PHKB: variants seen among roughly 807,000 people sequenced by gnomAD.
The protein encoded by PHKB is phosphorylase b kinase regulatory subunit beta.
Under a neutral mutation model 152.1 loss-of-function variants are expected in PHKB, and 122 were observed. That is an observed-to-expected ratio of 0.80 (90% CI 0.69 to 0.93). The LOEUF (loss-of-function observed/expected upper bound fraction) is 0.93, where lower values mean the gene tolerates loss of function less well. Ranked by LOEUF, PHKB falls within the 40% of genes least tolerant of loss-of-function variation. The pLI, the probability that PHKB is intolerant of heterozygous loss-of-function variation, is 0.00. For synonymous variants in PHKB, 436 were observed against 464.9 expected, an observed-to-expected ratio of 0.94 and a Z score of 0.80; for missense variants, 1,304 against 1,328.4, an observed-to-expected ratio of 0.98 and a Z score of 0.29.
Position 47,699,775 on chromosome 16 carries a change from G to T in PHKB, c.*409G>T. 1 of 250,262 alleles carries T rather than the reference G, an allele frequency of 4.0e-6. No homozygotes were observed. Among genetic ancestry groups the T allele is most frequent in the Non-Finnish European group, 7.9e-6 (1 of 126,292 alleles). 15.5% of individuals were successfully genotyped at this position (250,262 alleles called of 1,614,324 possible). ...TACTGGAAATCAAAAGATACTGAAA[G>T]AATGGTGAACTTCTCTTAGTGGTAT... On this transcript the variant is annotated 3_prime_UTR_variant, in exon 31 of 31. Coordinates refer to ENST00000323584, the MANE Select transcript of PHKB (RefSeq NM_000293.3).
chr16:47,682,182 C>T (rs891937752), intron 26 of PHKB, among the ~76,000 whole-genome samples: 1 of 152,212 alleles, frequency 6.6e-6, no homozygotes, highest in Non-Finnish European at 1.5e-5. Context: ...TTCTCTCTGG[C>T]TGCCCTTAAC....
chr16:47,687,684 A>G (rs1164699258), intron 26 of PHKB, among the ~76,000 whole-genome samples: 1 of 152,186 alleles, frequency 6.6e-6, no homozygotes, highest in African/African-American at 2.4e-5. Context: ...TCCTTGTGTA[A>G]CTCTCATGCC....
At chr16:47,602,502 C>T (rs1326380304) in intron 13 of PHKB, among the ~76,000 whole-genome samples, 3 of 147,866 alleles carry the variant, frequency 2.0e-5, no homozygotes, top group African/African-American at 7.4e-5. Flanking sequence ...CTGACATTAT[C>T]ATCTTTTTCT....
At chr16:47,461,737 C>T (rs1969563036) in intron 1 of PHKB, among the ~76,000 whole-genome samples, 2 of 152,198 alleles carry the variant, frequency 1.3e-5, no homozygotes, top group African/African-American at 2.4e-5. Flanking sequence ...CGGCACATTC[C>T]TGGGAAAGGG....
chr16:47,577,968 TG>T (rs1971777924), intron 7 of PHKB, among the ~76,000 whole-genome samples: 1 of 152,144 alleles, frequency 6.6e-6, no homozygotes, highest in Non-Finnish European at 1.5e-5. Flanking sequence ...TTAGATACTT[TG>T]TTATGATCCC....
At chr16:47,693,328 A>G in intron 27 of PHKB, 50 bp from the exon 28 acceptor site, 2 of 1,603,530 alleles carry the variant, frequency 1.2e-6, no homozygotes, top group African/African-American at 1.3e-5. Context: ...CCTGCTGTCT[A>G]CCAGAACAAG....
chr16:47,627,346 T>C (rs555657891), intron 14 of PHKB, among the ~76,000 whole-genome samples: 1 of 152,362 alleles, frequency 6.6e-6, no homozygotes, highest in East Asian at 1.9e-4. Context: ...TGCAAGACTG[T>C]TAGCACTGTC....
At chr16:47,583,948 AT>A in intron 8 of PHKB, among the ~76,000 whole-genome samples, 1 of 152,042 alleles carries the variant, frequency 6.6e-6, no homozygotes, top group Non-Finnish European at 1.5e-5. Flanking sequence ...ACAAATGTTA[AT>A]TTTATTTTTA....
chr16:47,664,825 A>C, intron 24 of PHKB, 60 bp from the exon 25 acceptor site: 1 of 1,016,390 alleles, frequency 9.8e-7, no homozygotes. Flanking sequence ...GTTTGGAAGA[A>C]CTCCTGGAAG....
intron 16 of PHKB, among the ~76,000 whole-genome samples, chr16:47,646,559 A>C (rs1225567954): frequency 1.4e-5 from 2 of 145,054 alleles, no homozygotes; most frequent in Non-Finnish European, 3.0e-5. Flanking sequence ...AAAAATAAAA[A>C]ATAAAAAAAT....
chr16:47,487,336 T>C (rs1265732756), intron 1 of PHKB, among the ~76,000 whole-genome samples: 1 of 152,172 alleles, frequency 6.6e-6, no homozygotes, highest in African/African-American at 2.4e-5. Flanking sequence ...TGTGATAGGT[T>C]TGAAATTGTG....
At position 47,566,451 on chromosome 16, in the gene PHKB, G is replaced by A; in HGVS notation, c.711-13844G>A. 5 of 1,609,240 alleles carry A rather than the reference G, an allele frequency of 3.1e-6. No homozygotes were observed. In the East Asian group the frequency reaches 6.7e-5, roughly 22 times the overall value. On this transcript the variant is annotated intron_variant, in intron 7 of 30. Coordinates refer to ENST00000323584, the MANE Select transcript of PHKB (RefSeq NM_000293.3). The stretch of plus-strand genomic sequence containing the variant: ...ATTGAGACTCAGGGCACTGAGCAGG[G>A]AATCCAGGTCCTCAAATTCAGCATA...
intron 1 of PHKB, chr16:47,463,982 T>A: frequency 6.2e-7 from 1 of 1,611,632 alleles, no homozygotes; most frequent in Non-Finnish European, 8.5e-7. Flanking sequence ...TCTTCCGCTT[T>A]CTTAAGGTCT....
chr16:47,680,316 A>G (rs1360191181), intron 26 of PHKB, among the ~76,000 whole-genome samples: 2 of 152,080 alleles, frequency 1.3e-5, no homozygotes, highest in Non-Finnish European at 2.9e-5. Flanking sequence ...CTCTTTTTCT[A>G]TTGATTGGAA....
At chr16:47,676,093 T>A (rs1440941943) in intron 26 of PHKB, 3 of 152,254 alleles carry the variant, frequency 2.0e-5, no homozygotes, top group African/African-American at 7.2e-5. Flanking sequence ...TATGTTTCTT[T>A]ACAAATTTTA....
chr16:47,580,171 T>A, intron 7 of PHKB, 124 bp from the exon 8 acceptor site: 1 of 758,432 alleles, frequency 1.3e-6, no homozygotes. Context: ...TAGACATTAT[T>A]CTTCTTACAG....
At chr16:47,567,085 GT>G (rs1430207618) in intron 7 of PHKB, among the ~76,000 whole-genome samples, 6 of 152,066 alleles carry the variant, frequency 3.9e-5, no homozygotes, top group African/African-American at 1.4e-4. Context: ...ATGGTTTTTG[GT>G]TGCATATGAA....
At chr16:47,463,774 A>G in intron 1 of PHKB, 1 of 661,604 alleles carries the variant, frequency 1.5e-6, no homozygotes, top group African/African-American at 1.8e-5. Context: ...AAATAAAATT[A>G]TAATGATCCT....
chr16:47,556,430 T>A (rs1163545455), intron 7 of PHKB, among the ~76,000 whole-genome samples: 1 of 152,232 alleles, frequency 6.6e-6, no homozygotes, highest in East Asian at 1.9e-4. Flanking sequence ...CTTATTATTT[T>A]GAGATATGTC....
Sources: gnomAD v4.1 joint callset for allele counts (sites outside exome capture counted in the v4.1 genomes callset) on GRCh38, gnomAD v4.1.1 for gene constraint, MANE v1.5 for transcripts, NCBI Gene and HGNC (gene_info 2026-07-23, HGNC 2026-07-21) for gene names.